The following ANKRD36C variants were observed in gnomAD, a reference collection of about 807,000 sequenced individuals.
ANKRD36C encodes the protein ankyrin repeat domain 36C.
A neutral mutation model predicts 276.4 loss-of-function variants in ANKRD36C; 61 were observed. That is an observed-to-expected ratio of 0.22 (90% CI 0.18 to 0.27). The LOEUF (loss-of-function observed/expected upper bound fraction) is 0.27, where lower values mean the gene tolerates loss of function less well. Ranked by LOEUF, ANKRD36C falls within the 10% of genes least tolerant of loss-of-function variation. The probability of loss-of-function intolerance (pLI) is 1.00; values close to 1 mark genes in which losing one functional copy is unlikely to be tolerated. For missense variants in ANKRD36C, 1,447 were observed against 2,032.3 expected (o/e 0.71, Z 5.54); for synonymous variants, 483 against 680.1 (o/e 0.71, Z 4.51).
chr2:95,982,241 A>G lies in ANKRD36C; in HGVS notation c.593+15T>C. The G allele has an allele frequency of 6.6e-7, 1 of 1,519,422 alleles. No individual in the cohort carries two copies. The highest frequency in any genetic ancestry group is 1.4e-5 in the African/African-American group (1 of 71,594). 94.1% of individuals were successfully genotyped at this position (1,519,422 alleles called of 1,614,324 possible). A position where few individuals can be genotyped will look rare whatever the true frequency, so the allele number is the denominator to read the frequency against. Reference sequence around the variant, plus strand: ...TCAGGTTTAAAAACAACACAATAAGAACTAAGGTCTGTACCTGCCAAGATA... The same window carrying G: ...TCAGGTTTAAAAACAACACAATAAGGACTAAGGTCTGTACCTGCCAAGATA... On this transcript the variant is annotated intron_variant, in intron 4 of 66. Transcript: ENST00000456556.
intron 17 of ANKRD36C, among the ~76,000 whole-genome samples, chr2:95,946,693 T>C (rs1194603706): frequency 4.0e-5 from 6 of 151,454 alleles, no homozygotes; most frequent in Non-Finnish European, 8.8e-5. Context: ...ATTAAGAAAA[T>C]GTGGCACATA....
downstream of ANKRD36C, among the ~76,000 whole-genome samples, chr2:95,849,363 A>G (rs1675239453): frequency 1.3e-5 from 2 of 152,220 alleles, no homozygotes; most frequent in African/African-American, 4.8e-5. Context: ...GCCAGACAGC[A>G]CATATTCTTG....
intron 47 of ANKRD36C, 46 bp downstream of exon 67, chr2:95,889,920 A>G (rs772379885): frequency 2.0e-5 from 32 of 1,608,884 alleles, no homozygotes; most frequent in Non-Finnish European, 2.5e-5. Flanking sequence ...TATGTTTCAT[A>G]GACTATACAG....
downstream of ANKRD36C, among the ~76,000 whole-genome samples, chr2:95,850,852 G>A (rs1174358608): frequency 6.6e-6 from 1 of 152,198 alleles, no homozygotes; most frequent in Non-Finnish European, 1.5e-5. Flanking sequence ...CCTTTGTTTT[G>A]TGAGAACAGT....
intron 44 of ANKRD36C, 93 bp from the exon 59 acceptor site, chr2:95,897,558 C>T (rs1254994042): frequency 6.7e-7 from 1 of 1,483,380 alleles, no homozygotes; most frequent in South Asian, 1.2e-5. Flanking sequence ...CTCCGTCCTC[C>T]TGCCTGTATT....
chr2:95,913,463 A>C (rs1296715167), intron 40 of ANKRD36C, among the ~76,000 whole-genome samples: 6 of 151,428 alleles, frequency 4.0e-5, no homozygotes, highest in Admixed American at 4.0e-4. Flanking sequence ...CAAGAGGAGT[A>C]ATGAGTCACT....
At chr2:95,903,450 C>G (rs867052963) in intron 42 of ANKRD36C, among the ~76,000 whole-genome samples, 13 of 146,188 alleles carry the variant, frequency 8.9e-5, no homozygotes, top group Non-Finnish European at 1.8e-4. Flanking sequence ...ATCCCACTTA[C>G]CTTTCATGCA....
chr2:95,967,017 T>C (rs1037729686), intron 6 of ANKRD36C, among the ~76,000 whole-genome samples: 3 of 152,216 alleles, frequency 2.0e-5, no homozygotes, highest in African/African-American at 7.2e-5. Context: ...ATCCTGAGAC[T>C]ATGAGGAAGT....
chr2:95,962,384 G>T, exon 8 of ANKRD36C: 1 of 1,562,964 alleles, frequency 6.4e-7, no homozygotes, highest in East Asian at 2.4e-5. Context: ...CTTTATTTCT[G>T]TGGCTATATT....
At chr2:95,856,145 A>T (rs747520719) in exon 63 of ANKRD36C, 5 of 1,606,904 alleles carry the variant, frequency 3.1e-6, no homozygotes, top group Admixed American at 3.4e-5. Context: ...AGCGGTTTTC[A>T]TGCAGCAGGT....
intron 19 of ANKRD36C, among the ~76,000 whole-genome samples, chr2:95,943,365 G>C (rs1677948552): frequency 6.6e-6 from 1 of 151,304 alleles, no homozygotes; most frequent in Non-Finnish European, 1.5e-5. Context: ...GGCGCCTATA[G>C]TCCCAGCTAC....
At chr2:95,862,686 C>T (rs935111288) in intron 60 of ANKRD36C, among the ~76,000 whole-genome samples, 1 of 151,522 alleles carries the variant, frequency 6.6e-6, no homozygotes, top group Non-Finnish European at 1.5e-5. Flanking sequence ...CTGCTGTGGT[C>T]TGAATGTTTG....
chr2:95,953,301 C>T (rs930246729), intron 14 of ANKRD36C, among the ~76,000 whole-genome samples: 5 of 152,088 alleles, frequency 3.3e-5, no homozygotes, highest in Non-Finnish European at 5.9e-5. Context: ...CTCCTGGGCT[C>T]AAGAAATTCT....
intron 32 of ANKRD36C, 130 bp downstream of exon 32, chr2:95,923,365 A>C (rs1677322964): frequency 7.9e-7 from 1 of 1,273,388 alleles, no homozygotes; most frequent in Non-Finnish European, 1.1e-6. Flanking sequence ...AACTTATTAC[A>C]AATGAAGAAT....
Position 95,928,995 on chromosome 2 carries a change from C to T in ANKRD36C, c.1837+77G>A, listed in dbSNP as rs937515300. 4.5e-5 allele frequency: 71 copies of T among 1,589,550 alleles called. No individual in the cohort carries two copies. In the African/African-American group the frequency reaches 9.0e-4, roughly 20 times the overall value. On this transcript the variant is annotated intron_variant, in intron 26 of 66. Transcript: ENST00000456556. ...AGAACATGCAGCTTAGACGAACTCC[C>T]CACTGATTTATTTGGGGAAGGGAAG...
At chr2:95,918,637 T>A (rs541580479) in intron 34 of ANKRD36C, among the ~76,000 whole-genome samples, 10 of 151,820 alleles carry the variant, frequency 6.6e-5, no homozygotes, top group Non-Finnish European at 1.2e-4. Context: ...TGTGGTGTAA[T>A]AATTTGCCTA....
intron 1 of ANKRD36C, among the ~76,000 whole-genome samples, chr2:95,990,991 TTTG>T (rs1315814837): frequency 6.6e-6 from 1 of 151,996 alleles, no homozygotes; most frequent in Non-Finnish European, 1.5e-5. Flanking sequence ...CAGCTGAAGT[TTTG>T]TTTTTGTTTT....
At chr2:95,987,238 T>G (rs1377683484) in intron 1 of ANKRD36C, 32 bp from the exon 2 acceptor site, 1 of 1,508,544 alleles carries the variant, frequency 6.6e-7, no homozygotes, top group East Asian at 2.5e-5. Context: ...TTAAAACATG[T>G]AACTGTAAGC....
intron 4 of ANKRD36C, 90 bp from the exon 5 acceptor site, chr2:95,980,875 T>C: frequency 6.7e-7 from 1 of 1,482,584 alleles, no homozygotes; most frequent in Non-Finnish European, 9.0e-7. Flanking sequence ...TGCCTGTCCA[T>C]GTAGAATTAA....
Sources: allele counts gnomAD v4.1 joint callset (sites outside exome capture counted in the v4.1 genomes callset), GRCh38; gene constraint gnomAD v4.1.1; transcripts MANE v1.5; gene names NCBI Gene and HGNC (gene_info 2026-07-23, HGNC 2026-07-21).